Variants in VPS50 observed in about 807,000 individuals in gnomAD.
The protein encoded by VPS50 is syndetin.
A neutral mutation model predicts 139.7 loss-of-function variants in VPS50; 70 were observed. The ratio of observed to expected loss-of-function variants is 0.50; its 90% confidence interval spans 0.41 to 0.61. The LOEUF (loss-of-function observed/expected upper bound fraction) is 0.61, where lower values mean the gene tolerates loss of function less well. Ranked by LOEUF, VPS50 falls within the 20% of genes least tolerant of loss-of-function variation. The pLI is 0.00. For missense variants in VPS50, 921 were observed against 1,133.7 expected (o/e 0.81, Z 2.69); for synonymous variants, 365 against 376.7 (o/e 0.97, Z 0.36).
At chr7:93,264,347 T>C (rs1351034064) in intron 9 of VPS50, among the ~76,000 whole-genome samples, 1 of 152,250 alleles carries the variant, frequency 6.6e-6, no homozygotes, top group Non-Finnish European at 1.5e-5. Flanking sequence ...AGAATCAGAA[T>C]GTGTTTATGC....
At chr7:93,350,258 AGTT>A (rs1290380046) in intron 25 of VPS50, among the ~76,000 whole-genome samples, 1 of 152,114 alleles carries the variant, frequency 6.6e-6, no homozygotes, top group African/African-American at 2.4e-5. Context: ...TCCCATTTTG[AGTT>A]GTTGTATGTC....
chr7:93,236,682 GATAAA>G (rs1232329870), intron 1 of VPS50, among the ~76,000 whole-genome samples: 1 of 151,830 alleles, frequency 6.6e-6, no homozygotes, highest in Non-Finnish European at 1.5e-5. Context: ...GAGAGATGAA[GATAAA>G]ATAAGAATGA....
intron 12 of VPS50, among the ~76,000 whole-genome samples, chr7:93,288,308 T>C (rs1476688898): frequency 2.0e-5 from 3 of 152,134 alleles, no homozygotes; most frequent in African/African-American, 4.8e-5. Context: ...ATGTGAGAGA[T>C]TACCCAAAAT....
At chr7:93,285,133 A>T in intron 12 of VPS50, among the ~76,000 whole-genome samples, 1 of 152,152 alleles carries the variant, frequency 6.6e-6, no homozygotes, top group East Asian at 1.9e-4. Context: ...AACAGCATTC[A>T]TCTAAAGATA....
intron 14 of VPS50, among the ~76,000 whole-genome samples, chr7:93,294,931 C>T (rs1796764367): frequency 6.6e-6 from 1 of 151,748 alleles, no homozygotes; most frequent in African/African-American, 2.4e-5. Flanking sequence ...TATGCTTTCT[C>T]AGTGAGATGT....
intron 12 of VPS50, 28 bp downstream of exon 12, chr7:93,276,333 A>G (rs1191169516): frequency 6.1e-5 from 97 of 1,581,014 alleles, no homozygotes; most frequent in Non-Finnish European, 8.3e-5. Context: ...TACTATTCAT[A>G]TATCTCTCCT....
intron 23 of VPS50, among the ~76,000 whole-genome samples, chr7:93,346,246 A>G (rs1054463727): frequency 6.6e-6 from 1 of 152,224 alleles, no homozygotes; most frequent in Admixed American, 6.5e-5. Context: ...AGAATAAAAT[A>G]CCTAGGAATC....
chr7:93,297,366 CT>C, intron 16 of VPS50, 123 bp downstream of exon 16: 3 of 1,087,636 alleles, frequency 2.8e-6, no homozygotes, highest in Non-Finnish European at 3.6e-6. Context: ...TGTGTTGTAG[CT>C]TTTTTAAGAT....
intron 12 of VPS50, 129 bp from the exon 13 acceptor site, chr7:93,291,574 G>C (rs1268118604): frequency 8.0e-6 from 4 of 501,178 alleles, no homozygotes; most frequent in Non-Finnish European, 1.3e-5. Flanking sequence ...TTTCTCTTTA[G>C]ATATGTCAGT....
chr7:93,353,357 A>C (rs1798610507), intron 25 of VPS50, among the ~76,000 whole-genome samples: 1 of 152,176 alleles, frequency 6.6e-6, no homozygotes, highest in Non-Finnish European at 1.5e-5. Context: ...GAAAATTTTG[A>C]GATATTGGAC....
chr7:93,306,446 G>T (rs1272969777), intron 18 of VPS50, among the ~76,000 whole-genome samples: 1 of 151,842 alleles, frequency 6.6e-6, no homozygotes, highest in Non-Finnish European at 1.5e-5. Context: ...TTGCATAGTT[G>T]CCTGGCAGGG....
chr7:93,240,871 G>A (rs751948551), intron 2 of VPS50, among the ~76,000 whole-genome samples: 14 of 151,898 alleles, frequency 9.2e-5, no homozygotes, highest in Non-Finnish European at 1.8e-4. Flanking sequence ...TTTTATTTTG[G>A]GTTAGGCTGA....
intron 25 of VPS50, 53 bp from the exon 26 acceptor site, chr7:93,353,587 G>C: frequency 6.4e-7 from 1 of 1,567,132 alleles, no homozygotes; most frequent in Non-Finnish European, 8.7e-7. Context: ...TTATGGGAAA[G>C]CATTGTGGCA....
rs777872348 is a variant in VPS50 at position 93,305,808 on chromosome 7, G to T, written c.1453-20G>T. The T allele has an allele frequency of 6.2e-7, 1 of 1,601,626 alleles. No individual in the cohort carries two copies. The highest frequency in any genetic ancestry group is 1.1e-5 in the South Asian group (1 of 90,728). ...TTTTATTGTTGCTAAAGGGTATCTG[G>T]CTCCTTTTTTAACATCTAGGAATTT... On this transcript the variant is annotated intron_variant, in intron 17 of 27. Coordinates refer to ENST00000305866, the MANE Select transcript of VPS50 (RefSeq NM_017667.4).
At chr7:93,303,613 A>G (rs1054392365) in intron 17 of VPS50, 63 bp downstream of exon 17, 3 of 610,116 alleles carry the variant, frequency 4.9e-6, no homozygotes, top group African/African-American at 1.9e-5. Context: ...CTTTTTTTTG[A>G]AAAAAAAAAT....
chr7:93,284,930 A>G (rs1313863469), intron 12 of VPS50, among the ~76,000 whole-genome samples: 2 of 152,202 alleles, frequency 1.3e-5, no homozygotes, highest in African/African-American at 4.8e-5. Context: ...AGGCCCTCAC[A>G]GAAGTAATTA....
intron 22 of VPS50, among the ~76,000 whole-genome samples, chr7:93,334,585 C>T (rs1417303275): frequency 2.0e-5 from 3 of 152,080 alleles, no homozygotes; most frequent in Non-Finnish European, 4.4e-5. Context: ...GGGTGCAGCC[C>T]GAAGTTTGAC....
chr7:93,287,679 A>C (rs1796530333), intron 12 of VPS50, among the ~76,000 whole-genome samples: 2 of 152,252 alleles, frequency 1.3e-5, no homozygotes, highest in South Asian at 4.1e-4. Flanking sequence ...TAATATACAC[A>C]TTTATGCGAA....
chr7:93,346,534 A>G (rs1287709171), intron 23 of VPS50, among the ~76,000 whole-genome samples: 1 of 152,186 alleles, frequency 6.6e-6, no homozygotes, highest in Non-Finnish European at 1.5e-5. Context: ...CTGAGCCAAA[A>G]GAACAAAGCT....
Sources: gnomAD v4.1 joint callset for allele counts (sites outside exome capture counted in the v4.1 genomes callset) on GRCh38, gnomAD v4.1.1 for gene constraint, MANE v1.5 for transcripts, NCBI Gene and HGNC (gene_info 2026-07-23, HGNC 2026-07-21) for gene names.